The following USPL1 variants were observed in gnomAD, a reference collection of about 807,000 sequenced individuals.
USPL1 encodes ubiquitin specific peptidase like 1.
Under a neutral mutation model 51.5 loss-of-function variants are expected in USPL1, and 27 were observed. The observed-to-expected ratio is 0.52, with a 90% CI of 0.39 to 0.72. The LOEUF (loss-of-function observed/expected upper bound fraction) is 0.72. USPL1 is among the 30% of genes least tolerant of loss of function. The pLI is 0.00. For synonymous variants in USPL1, 451 were observed against 459.6 expected, an observed-to-expected ratio of 0.98 and a Z score of 0.24; for missense variants, 1,226 against 1,268.0, an observed-to-expected ratio of 0.97 and a Z score of 0.50.
Position 30,621,168 on chromosome 13 carries a change from G to A in USPL1, c.28G>A (p.Gly10Ser), listed in dbSNP as rs1206733343. The change falls in exon 2 of 9, where the codon GGT becomes AGT. Residue 10 changes from glycine (G) to serine (S), a missense_variant. By Grantham distance (56) the Gly-to-Ser change is moderately conservative. Coordinates refer to ENST00000255304, the MANE Select transcript of USPL1 (RefSeq NM_005800.5). MMDSPKIGN[G>S]LPVIGPGTDI... ...GATGGATTCTCCGAAGATTGGAAAT[G>A]GTTTGCCAGTGATTGGACCAGGGAC... The A allele has an allele frequency of 6.2e-7, 1 of 1,606,980 alleles. No individual in the cohort carries two copies. The highest frequency in any genetic ancestry group is 8.5e-7 in the Non-Finnish European group (1 of 1,177,680).
intron 7 of USPL1, among the ~76,000 whole-genome samples, chr13:30,651,460 A>T (rs1171466153): frequency 6.6e-6 from 1 of 152,202 alleles, no homozygotes; most frequent in Non-Finnish European, 1.5e-5. Flanking sequence ...AAGACTTGGA[A>T]TGTACAAGAA....
intron 4 of USPL1, among the ~76,000 whole-genome samples, chr13:30,633,576 G>A (rs998370349): frequency 6.6e-6 from 1 of 151,942 alleles, no homozygotes; most frequent in African/African-American, 2.4e-5. Context: ...TTCGAGACCA[G>A]CCTGGCCAAC....
In USPL1 at chr13:30,654,645, T is replaced by A. The variant is rs17074809; in HGVS notation, c.1396+1340T>A. 1.3e-3 allele frequency among the ~76,000 whole-genome samples: 199 copies of A among 152,172 alleles called. 1 individual carries two copies. The highest frequency in any genetic ancestry group is 2.4e-3 in the Admixed American group (37 of 15,278). On this transcript the variant is annotated intron_variant, in intron 8 of 8. Coordinates refer to ENST00000255304, the MANE Select transcript of USPL1 (RefSeq NM_005800.5). ...TAAAGTTGTCTATTTAATGGGTAGGTGCAGGTAGTAGATAAGAGTGTAGCC... is the reference window on the plus strand; with the variant it reads ...TAAAGTTGTCTATTTAATGGGTAGGAGCAGGTAGTAGATAAGAGTGTAGCC...
At chr13:30,641,049 A>T (rs914788108) in intron 5 of USPL1, among the ~76,000 whole-genome samples, 2 of 152,154 alleles carry the variant, frequency 1.3e-5, no homozygotes, top group Admixed American at 6.5e-5. Flanking sequence ...AACCGGGAGA[A>T]TATTTAGGGG....
chr13:30,641,897 A>G lies in USPL1; in HGVS notation c.983-731A>G, dbSNP rs181418022. Among the ~76,000 whole-genome samples, 8 of 150,696 alleles carry G rather than the reference A, an allele frequency of 5.3e-5. No individual in the cohort carries two copies. The East Asian group carries it at 1.6e-3, about 29-fold the overall frequency. ...CATTTTTTAACATCTGTAGCAAACC[A>G]TTTCCATAATTTTTTTTTTTTTTTT... On this transcript the variant is annotated intron_variant, in intron 5 of 8. Transcript: ENST00000255304.
At position 30,649,956 on chromosome 13, in the gene USPL1, G is replaced by A. The variant is rs533494007; in HGVS notation, c.1238+2899G>A. Among the ~76,000 whole-genome samples, 16 of 152,104 alleles carry A rather than the reference G, an allele frequency of 1.1e-4. No individual in the cohort carries two copies. In the East Asian group the frequency reaches 1.7e-3, roughly 16 times the overall value. On this transcript the variant is annotated intron_variant, in intron 7 of 8. Transcript: ENST00000255304. The stretch of plus-strand genomic sequence containing the variant: ...AGGGAGAACCTAACTTGCTCTCCTC[G>A]ACTCTGAGCATCATCCTTCACTGAC...
intron 1 of USPL1, among the ~76,000 whole-genome samples, chr13:30,618,432 C>T (rs1326124975): frequency 6.6e-6 from 1 of 151,752 alleles, no homozygotes; most frequent in East Asian, 1.9e-4. Context: ...AAAGCTGACC[C>T]TGTTCCTCGG....
chr13:30,652,873 CAG>C (rs1951107997), intron 7 of USPL1, among the ~76,000 whole-genome samples: 1 of 152,178 alleles, frequency 6.6e-6, no homozygotes, highest in Non-Finnish European at 1.5e-5. Flanking sequence ...TTGCTGCTTA[CAG>C]AGCAATTTTT....
intron 8 of USPL1, among the ~76,000 whole-genome samples, chr13:30,655,934 A>G (rs1951157564): frequency 6.6e-6 from 1 of 152,216 alleles, no homozygotes. Context: ...CCATGACATT[A>G]CACTTGTATC....
At chr13:30,649,392 C>G (rs1348017606) in intron 7 of USPL1, among the ~76,000 whole-genome samples, 2 of 152,096 alleles carry the variant, frequency 1.3e-5, no homozygotes, top group Non-Finnish European at 2.9e-5. Flanking sequence ...TTGGGTTCAT[C>G]ATGGTGTCAT....
At chr13:30,651,019 AT>A (rs1442217235) in intron 7 of USPL1, among the ~76,000 whole-genome samples, 2 of 151,572 alleles carry the variant, frequency 1.3e-5, no homozygotes, top group African/African-American at 4.9e-5. Context: ...AAAAAAAAAA[AT>A]TTCATAGTTA....
At chr13:30,642,116 T>G (rs1950955741) in intron 5 of USPL1, among the ~76,000 whole-genome samples, 2 of 152,148 alleles carry the variant, frequency 1.3e-5, no homozygotes, top group African/African-American at 4.8e-5. Flanking sequence ...CCTCGCTATA[T>G]TGGCCAGGAT....
intron 5 of USPL1, among the ~76,000 whole-genome samples, chr13:30,639,072 C>A (rs1345585663): frequency 6.6e-6 from 1 of 151,566 alleles, no homozygotes; most frequent in African/African-American, 2.4e-5. Context: ...AAAAATTAGC[C>A]GGGCGTGGTA....
Position 30,657,691 on chromosome 13 carries a change from T to C in USPL1, c.1614T>C (p.Asp538=). 1 of 1,614,190 alleles carries C rather than the reference T, an allele frequency of 6.2e-7. No homozygotes were observed. ...PVSLTSCSVG[D]AASAETASVT... is the part of the protein sequence containing the mutation. The stretch of plus-strand genomic sequence containing the variant: ...CTTTAACATCGTGTTCTGTGGGTGA[T>C]GCTGCCTCAGCTGAAACAGCCTCAG... The change falls in exon 9 of 9, where the codon GAT becomes GAC. Residue 538 remains aspartate, a synonymous_variant. Coordinates refer to ENST00000255304, the MANE Select transcript of USPL1 (RefSeq NM_005800.5).
Position 30,628,362 on chromosome 13 carries a change from G to T in USPL1, c.229-2473G>T, listed in dbSNP as rs115023395. ...GTTAGGAGTTCCTTTTCTTTTTTAAGTCTTAATCTCCAGTTTATTTCTGTT... is the reference window on the plus strand; with the variant it reads ...GTTAGGAGTTCCTTTTCTTTTTTAATTCTTAATCTCCAGTTTATTTCTGTT... On this transcript the variant is annotated intron_variant, in intron 3 of 8. Coordinates refer to ENST00000255304, the MANE Select transcript of USPL1 (RefSeq NM_005800.5). Among the ~76,000 whole-genome samples the T allele has an allele frequency of 7.3e-3, 1,106 of 152,066 alleles. 20 individuals are homozygous for T. The highest frequency in any genetic ancestry group is 0.026 in the African/African-American group (1,059 of 41,460).
chr13:30,634,602 T>A (rs569422009), intron 4 of USPL1, among the ~76,000 whole-genome samples: 6 of 152,308 alleles, frequency 3.9e-5, no homozygotes, highest in Non-Finnish European at 8.8e-5. Context: ...AACAGAATAT[T>A]CATCTACCTG....
intron 6 of USPL1, among the ~76,000 whole-genome samples, chr13:30,644,255 C>G (rs1241224577): frequency 6.6e-6 from 1 of 151,726 alleles, no homozygotes; most frequent in Admixed American, 6.6e-5. Context: ...TGCACTCCAG[C>G]CTGGTCAACA....
intron 7 of USPL1, among the ~76,000 whole-genome samples, chr13:30,648,680 T>C (rs539259144): frequency 1.1e-4 from 16 of 152,352 alleles, no homozygotes. Flanking sequence ...ATTTGCTTAT[T>C]TTCCTTTCTT....
At chr13:30,622,318 T>A (rs1950656813) in intron 3 of USPL1, among the ~76,000 whole-genome samples, 3 of 152,000 alleles carry the variant, frequency 2.0e-5, no homozygotes, top group African/African-American at 7.2e-5. Flanking sequence ...CTAAAGAGAG[T>A]ATAGAATCTT....
Sources: allele counts gnomAD v4.1 joint callset (sites outside exome capture counted in the v4.1 genomes callset), GRCh38; gene constraint gnomAD v4.1.1; transcripts MANE v1.5; gene names NCBI Gene and HGNC (gene_info 2026-07-23, HGNC 2026-07-21).